Variants in NDRG4 observed in about 807,000 individuals in gnomAD.
NDRG4 encodes the protein NDRG family member 4, also known as protein NDRG4.
In NDRG4, 38 loss-of-function variants were observed where a neutral mutation model predicts 55.8. The observed-to-expected ratio is 0.68, with a 90% CI of 0.53 to 0.89. The LOEUF is 0.89. Among genes scored for constraint, NDRG4 ranks in the 40% least tolerant of loss-of-function variants. The pLI, the probability that NDRG4 is intolerant of heterozygous loss-of-function variation, is 0.00. For synonymous variants in NDRG4, 190 were observed against 182.7 expected (o/e 1.04, Z -0.32); for missense variants, 455 against 468.6 (o/e 0.97, Z 0.27).
Position 58,504,592 on chromosome 16 carries a change from C to G in NDRG4, c.315C>G (p.Phe105Leu), listed in dbSNP as rs1387076423. The change falls in exon 5 of 15, where the codon TTC becomes TTG. Residue 105 changes from phenylalanine to leucine, a missense_variant. Phe to Leu is a conservative substitution (Grantham distance 22). Transcript: ENST00000570248. ...TGACCAGCCTGCTCTGCACCAGGTT[C>G]AAGTATGTGATTGGCATCGGAGTGG... ...MLPSVVQHFG[F>L]KYVIGIGVGA... is the part of the protein sequence containing the mutation. 1 of 1,614,170 alleles carries G rather than the reference C, an allele frequency of 6.2e-7. No individual in the cohort carries two copies. Among genetic ancestry groups the G allele is most frequent in the Non-Finnish European group, 8.5e-7 (1 of 1,180,002 alleles).
At chr16:58,469,395 A>T (rs1024089392) in intron 1 of NDRG4, among the ~76,000 whole-genome samples, 1 of 151,964 alleles carries the variant, frequency 6.6e-6, no homozygotes, top group Admixed American at 6.6e-5. Flanking sequence ...GTGTGGGGAG[A>T]GGGGCGTGCT....
intron 1 of NDRG4, among the ~76,000 whole-genome samples, chr16:58,470,906 C>CA (rs142300769): frequency 0.38 from 30,131 of 79,202 alleles, 5,311 homozygotes; most frequent in South Asian, 0.43. Context: ...GACACCATCT[C>CA]CAAAAAAAAA....
intron 2 of NDRG4, 25 bp downstream of exon 2, chr16:58,503,928 G>A (rs1477547353): frequency 1.2e-6 from 2 of 1,611,126 alleles, no homozygotes; most frequent in Non-Finnish European, 1.7e-6. Context: ...GCCTCAGTCA[G>A]CCCTCCTCTG....
chr16:58,464,861 A>T lies in NDRG4; in HGVS notation c.-24+1064A>T. 1 of 1,210,998 alleles carries T rather than the reference A, an allele frequency of 8.3e-7. No individual in the cohort carries two copies. Among genetic ancestry groups the T allele is most frequent in the Non-Finnish European group, 1.0e-6 (1 of 961,684 alleles). 75.0% of individuals were successfully genotyped at this position (1,210,998 alleles called of 1,614,324 possible). A position where few individuals can be genotyped will look rare whatever the true frequency, so the allele number is the denominator to read the frequency against. On this transcript the variant is annotated intron_variant, in intron 1 of 15. Transcript: ENST00000258187. The surrounding 1 kb of genome is among the most constrained non-coding windows in gnomAD (Gnocchi z 4.8). Reference sequence around the variant, plus strand: ...ACCTCTTATTTCTGCGCCCTGTGACAATCTGAGCCGTCTTTCTCTGGGGGA... The same window carrying T: ...ACCTCTTATTTCTGCGCCCTGTGACTATCTGAGCCGTCTTTCTCTGGGGGA...
chr16:58,471,136 T>A (rs1473301996), intron 1 of NDRG4, among the ~76,000 whole-genome samples: 1 of 151,040 alleles, frequency 6.6e-6, no homozygotes, highest in Non-Finnish European at 1.5e-5. Context: ...CCAGAGAAAT[T>A]GATTTTGAAC....
At chr16:58,505,870 T>C (rs776688896) in intron 5 of NDRG4, 38 of 237,244 alleles carry the variant, frequency 1.6e-4, no homozygotes, top group Non-Finnish European at 3.0e-4. Flanking sequence ...TACAGGTGCA[T>C]GCCACCACGC....
rs1259472565 is a variant in NDRG4 at position 58,513,361 on chromosome 16, GT to G, written c.*1786del. On this transcript the variant is annotated 3_prime_UTR_variant, in exon 15 of 15. Transcript: ENST00000570248. ...TGATAAAATGTAAAACAAAACTCTA[GT>G]CAACGTAGAAAGAGTTAACTGTGCT... is the stretch of plus-strand genomic sequence containing the variant. 1 of 152,180 alleles carries G rather than the reference GT, an allele frequency of 6.6e-6. No individual in the cohort carries two copies. Among genetic ancestry groups the G allele is most frequent in the Non-Finnish European group, 1.5e-5 (1 of 68,050 alleles). 9.4% of individuals were successfully genotyped at this position (152,180 alleles called of 1,614,324 possible). A position where few individuals can be genotyped will look rare whatever the true frequency, so the allele number is the denominator to read the frequency against.
In NDRG4 at chr16:58,504,632, G is replaced by A. The variant is rs606231463; in HGVS notation, c.355G>A (p.Val119Met). The stretch of plus-strand genomic sequence containing the variant: ...CATCGGAGTGGGCGCCGGAGCCTAT[G>A]TGCTGGCCAAGTTTGCAGTGAGTCT... ...IGIGVGAGAY[V>M]LAKFALIFPD... The change falls in exon 5 of 15, where the codon GTG becomes ATG. Residue 119 changes from valine to methionine, a missense_variant. Val to Met is a conservative substitution (Grantham distance 21). Transcript: ENST00000570248. 10 of 1,614,072 alleles carry A rather than the reference G, an allele frequency of 6.2e-6. No homozygotes were observed. The highest frequency in any genetic ancestry group is 7.6e-6 in the Non-Finnish European group (9 of 1,180,040).
At chr16:58,494,098 C>G (rs1232806771) in intron 2 of NDRG4, among the ~76,000 whole-genome samples, 4 of 152,244 alleles carry the variant, frequency 2.6e-5, no homozygotes, top group Non-Finnish European at 4.4e-5. Context: ...TCATCCAGAT[C>G]TGTTTGTGTC....
Position 58,503,914 on chromosome 16 carries a change from C to T in NDRG4, c.127+11C>T, listed in dbSNP as rs781094472. The stretch of plus-strand genomic sequence containing the variant: ...ATGTGGGCCTCAACCGTAAGTGCAG[C>T]CCAGCCTCAGTCAGCCCTCCTCTGC... On this transcript the variant is annotated intron_variant, in intron 2 of 14. Transcript: ENST00000570248. 1 of 1,613,196 alleles carries T rather than the reference C, an allele frequency of 6.2e-7. No homozygotes were observed. The highest frequency in any genetic ancestry group is 8.5e-7 in the Non-Finnish European group (1 of 1,179,880).
chr16:58,479,157 G>A (rs1056521934), intron 1 of NDRG4, among the ~76,000 whole-genome samples: 2 of 152,098 alleles, frequency 1.3e-5, no homozygotes, highest in Admixed American at 6.6e-5. Flanking sequence ...GCCTCCCAAA[G>A]TGCTGGGATT....
chr16:58,482,145 C>G (rs533871703), intron 1 of NDRG4, among the ~76,000 whole-genome samples: 1 of 152,298 alleles, frequency 6.6e-6, no homozygotes, highest in Non-Finnish European at 1.5e-5. Flanking sequence ...GACCCCTCCC[C>G]CAGGGTAGAG....
chr16:58,492,534 GT>G (rs1836428454), intron 2 of NDRG4, among the ~76,000 whole-genome samples: 2 of 109,314 alleles, frequency 1.8e-5, no homozygotes, highest in Non-Finnish European at 4.5e-5. Flanking sequence ...GTGTGTGTGT[GT>G]GTGTGTGTGT....
At chr16:58,474,063 ATCTC>A (rs1157095016) in intron 1 of NDRG4, among the ~76,000 whole-genome samples, 6 of 115,136 alleles carry the variant, frequency 5.2e-5, no homozygotes, top group African/African-American at 1.7e-4. Flanking sequence ...TTGAGAGAGA[ATCTC>A]TCTCTGTTAC....
chr16:58,511,823 G>A lies in NDRG4; in HGVS notation c.*247G>A, dbSNP rs902363396. On this transcript the variant is annotated 3_prime_UTR_variant, in exon 15 of 15. Coordinates refer to ENST00000570248, the MANE Select transcript of NDRG4 (RefSeq NM_001242835.2). The stretch of plus-strand genomic sequence containing the variant: ...ACTTGACCCCTCTCATCCCACTCCC[G>A]GCGGCCCAGGCACAGAAGGGCAGGG... 7.4e-5 allele frequency: 41 copies of A among 555,662 alleles called. No individual in the cohort carries two copies. The highest frequency in any genetic ancestry group is 1.0e-4 in the Non-Finnish European group (31 of 300,498). 34.4% of individuals were successfully genotyped at this position (555,662 alleles called of 1,614,324 possible).
intron 1 of NDRG4, among the ~76,000 whole-genome samples, chr16:58,473,864 C>A (rs1489282961): frequency 6.6e-6 from 1 of 151,994 alleles, no homozygotes; most frequent in East Asian, 1.9e-4. Flanking sequence ...TGCTCAAAAC[C>A]CTCCAGTGCA....
At chr16:58,495,163 C>T (rs78230821), upstream of NDRG4, among the ~76,000 whole-genome samples, 1,093 of 152,220 alleles carry the variant, frequency 7.2e-3, 46 homozygotes, top group East Asian at 0.075. Flanking sequence ...CCTGCTTCTG[C>T]GAGCAGCAGG....
At chr16:58,502,171 C>G (rs1275472526) in intron 1 of NDRG4, 1 of 383,730 alleles carries the variant, frequency 2.6e-6, no homozygotes, top group Non-Finnish European at 5.4e-6. Context: ...CTTTCCTAGC[C>G]TCAATTTCCT....
chr16:58,504,444 C>G (rs148945420), intron 4 of NDRG4, 23 bp downstream of exon 4: 10 of 1,612,168 alleles, frequency 6.2e-6, no homozygotes, highest in Non-Finnish European at 8.5e-6. Flanking sequence ...ACAGCCCCTG[C>G]GCTAGGGCCC....
Sources: gnomAD v4.1 joint callset for allele counts (sites outside exome capture counted in the v4.1 genomes callset) on GRCh38, gnomAD v4.1.1 for gene constraint, Gnocchi (gnomAD v3.1) non-coding constraint, MANE v1.5 for transcripts, NCBI Gene and HGNC (gene_info 2026-07-23, HGNC 2026-07-21) for gene names.